The following DYNC2I2 variants were observed in gnomAD, a reference collection of about 807,000 sequenced individuals.
DYNC2I2 encodes the protein cytoplasmic dynein 2 intermediate chain 2.
DYNC2I2 carries 39 observed loss-of-function variants against 52.0 expected under a neutral mutation model. The ratio of observed to expected loss-of-function variants is 0.75; its 90% CI spans 0.58 to 0.98. The LOEUF is 0.98. Among genes scored for constraint, DYNC2I2 ranks in the 50% least tolerant of loss-of-function variants. The pLI is 0.00. For missense variants in DYNC2I2, 743 were observed against 728.4 expected, an observed-to-expected ratio of 1.02 and a Z score of -0.23; for synonymous variants, 359 against 321.1, an observed-to-expected ratio of 1.12 and a Z score of -1.26.
chr9:128,681,382 C>A, the DYNC2I2 span, among the ~76,000 whole-genome samples: 1 of 152,238 alleles, frequency 6.6e-6, no homozygotes, highest in Non-Finnish European at 1.5e-5. Context: ...TGAGCCACCT[C>A]GTCTGGCCCA....
intron 1 of DYNC2I2, among the ~76,000 whole-genome samples, chr9:128,642,566 C>A (rs539997185): frequency 6.6e-6 from 1 of 151,474 alleles, no homozygotes; most frequent in East Asian, 2.0e-4. Flanking sequence ...GTCAGGAGAT[C>A]GAGACCATCC....
In DYNC2I2 at chr9:128,649,688, C is replaced by CAAAAA. The variant is rs34154610; in HGVS notation, c.186+6848_186+6852dup. On this transcript the variant is annotated intron_variant, in intron 1 of 8. Transcript: ENST00000372715. ...TGGGCAAGACAGTGAGACTCCATCT[C>CAAAAA]AAAAAAAAAAAAAAAAAAAAACTGG... Among the ~76,000 whole-genome samples the CAAAAA allele has an allele frequency of 2.8e-4, 13 of 47,228 alleles. 2 individuals are homozygous for CAAAAA. Among genetic ancestry groups the CAAAAA allele is most frequent in the East Asian group, 1.3e-3 (2 of 1,584 alleles). The allele number at this position is 47,228 out of a possible 152,430, so 31.0% of individuals were successfully genotyped here.
At chr9:128,642,644 G>A (rs1860539228) in intron 1 of DYNC2I2, among the ~76,000 whole-genome samples, 1 of 150,630 alleles carries the variant, frequency 6.6e-6, no homozygotes, top group South Asian at 2.1e-4. Flanking sequence ...GGTCCTGGGT[G>A]CCTGTAGTCC....
the DYNC2I2 span, among the ~76,000 whole-genome samples, chr9:128,670,896 C>G: frequency 6.6e-6 from 1 of 151,512 alleles, no homozygotes; most frequent in Non-Finnish European, 1.5e-5. Flanking sequence ...GGTGAAACCC[C>G]GTCTCTACTA....
chr9:128,636,358 T>C lies in DYNC2I2; in HGVS notation c.626A>G (p.Gln209Arg). Residue 209 changes from glutamine (Q) to arginine (R), a missense_variant, in exon 4 of 9, where the codon CAG becomes CGG. By Grantham distance (43) the Gln-to-Arg change is conservative (BLOSUM62 1). Coordinates refer to ENST00000372715, the MANE Select transcript of DYNC2I2 (RefSeq NM_052844.4). Reference protein sequence around the residue: ...NLDRRDLRPQQPSAVVEVPSA... With the variant: ...NLDRRDLRPQRPSAVVEVPSA... ...GGGGACCTCCACCACGGCCGACGGC[T>C]GCTGGGGACGCAGGTCTCGCCGGTC... The C allele has an allele frequency of 6.2e-7, 1 of 1,609,090 alleles. No individual in the cohort carries two copies. The highest frequency in any genetic ancestry group is 1.1e-5 in the South Asian group (1 of 90,190).
rs183108624 is a variant in DYNC2I2 at position 128,639,259 on chromosome 9, G to A, written c.435+1432C>T. 5.5e-4 allele frequency among the ~76,000 whole-genome samples: 83 copies of A among 151,934 alleles called. No individual in the cohort carries two copies. In the Middle Eastern group the frequency reaches 0.017, roughly 31 times the overall value. On this transcript the variant is annotated intron_variant, in intron 2 of 8. Coordinates refer to ENST00000372715, the MANE Select transcript of DYNC2I2 (RefSeq NM_052844.4). ...ACCAAAAATACAAAATTAGCCGGGC[G>A]TGGTGGCGGGTGCCTGTAATCCCAG...
the DYNC2I2 span, among the ~76,000 whole-genome samples, chr9:128,670,847 C>G: frequency 1.3e-5 from 2 of 151,706 alleles, no homozygotes; most frequent in African/African-American, 4.8e-5. Flanking sequence ...GTGGATCACC[C>G]GAGGTCAGGA....
chr9:128,645,004 G>GTC (rs538009827), intron 1 of DYNC2I2, among the ~76,000 whole-genome samples: 246 of 151,828 alleles, frequency 1.6e-3, no homozygotes, highest in Middle Eastern at 3.4e-3. Flanking sequence ...GCTGTTGCCT[G>GTC]TCTCTCTCTC....
chr9:128,648,694 G>A (rs1376397776), intron 1 of DYNC2I2, among the ~76,000 whole-genome samples: 1 of 152,004 alleles, frequency 6.6e-6, no homozygotes, highest in Non-Finnish European at 1.5e-5. Context: ...CTGCTACTAG[G>A]GTGGCTGAGG....
At chr9:128,654,503 C>G (rs545793357) in intron 1 of DYNC2I2, among the ~76,000 whole-genome samples, 11 of 152,176 alleles carry the variant, frequency 7.2e-5, no homozygotes, top group African/African-American at 2.4e-4. Flanking sequence ...TCACTCCTCT[C>G]CAGCCCCACC....
At chr9:128,659,856 C>T (rs1436897961), upstream of DYNC2I2, among the ~76,000 whole-genome samples, 1 of 150,568 alleles carries the variant, frequency 6.6e-6, no homozygotes, top group Non-Finnish European at 1.5e-5. Context: ...GGCAGTGAGG[C>T]AAGATGGCGC....
the DYNC2I2 span, among the ~76,000 whole-genome samples, chr9:128,670,783 G>A: frequency 2.2e-3 from 328 of 151,602 alleles, 1 homozygote; most frequent in Non-Finnish European, 3.7e-3. Flanking sequence ...AGAGAAACGC[G>A]GTGGGGTGTG....
At chr9:128,635,484 G>T in intron 5 of DYNC2I2, 174 bp downstream of exon 5, 1 of 786,340 alleles carries the variant, frequency 1.3e-6, no homozygotes, top group Non-Finnish European at 2.0e-6. Flanking sequence ...GCTGGGAATG[G>T]CCACAGGGCC....
At position 128,636,276 on chromosome 9, in the gene DYNC2I2, C is replaced by T; in HGVS notation, c.703+5G>A. ...GAGAGGAGGCGGACACAGCAGGCAG[C>T]TCACCTGCGACGTGGGAGGGCTGCG... On this transcript the variant is annotated splice_donor_5th_base_variant and intron_variant, in intron 4 of 8. Coordinates refer to ENST00000372715, the MANE Select transcript of DYNC2I2 (RefSeq NM_052844.4). 1 of 1,561,786 alleles carries T rather than the reference C, an allele frequency of 6.4e-7. No individual in the cohort carries two copies. Among genetic ancestry groups the T allele is most frequent in the African/African-American group, 1.4e-5 (1 of 73,856 alleles).
In DYNC2I2 at chr9:128,656,705, C is replaced by A. The variant is rs562066628; in HGVS notation, c.22G>T (p.Gly8Trp). 7.6e-6 allele frequency: 11 copies of A among 1,451,538 alleles called. No individual in the cohort carries two copies. In the South Asian group the frequency reaches 1.2e-4, roughly 15 times the overall value. The allele number at this position is 1,451,538 out of a possible 1,614,324, so 89.9% of individuals were successfully genotyped here. ...GCGCTTCCCGCCTGGCTGAGTGGCC[C>A]CGGCTGCGCGCGGGTTGCCATGGAG... The part of the protein sequence containing the change: MATRAQP[G>W]PLSQAGSAGV... Residue 8 changes from glycine to tryptophan, a missense_variant, in exon 1 of 9, where the codon GGG (glycine) becomes TGG (tryptophan). Gly to Trp is a radical substitution (Grantham distance 184). Transcript: ENST00000372715.
At chr9:128,660,201 C>T (rs1349001397), upstream of DYNC2I2, among the ~76,000 whole-genome samples, 2 of 151,912 alleles carry the variant, frequency 1.3e-5, no homozygotes, top group Admixed American at 6.6e-5. Context: ...CTCCGCCTCC[C>T]GGGTTCACGC....
chr9:128,684,113 C>G, the DYNC2I2 span: 220 of 884,638 alleles, frequency 2.5e-4, 3 homozygotes, highest in Admixed American at 4.8e-3. Flanking sequence ...CTAAGCACCC[C>G]CAAAGGGTTT....
At chr9:128,677,753 A>G in the DYNC2I2 span, among the ~76,000 whole-genome samples, 1 of 152,078 alleles carries the variant, frequency 6.6e-6, no homozygotes, top group African/African-American at 2.4e-5. Flanking sequence ...GGTTGCAGTG[A>G]GCCAAGATCG....
intron 1 of DYNC2I2, among the ~76,000 whole-genome samples, chr9:128,644,597 A>T (rs927586139): frequency 6.6e-6 from 1 of 152,040 alleles, no homozygotes; most frequent in Admixed American, 6.6e-5. Context: ...TTGCCACTAG[A>T]TTGTCTGACC....
Sources: allele counts gnomAD v4.1 joint callset (sites outside exome capture counted in the v4.1 genomes callset), GRCh38; gene constraint gnomAD v4.1.1; transcripts MANE v1.5; gene names NCBI Gene and HGNC (gene_info 2026-07-23, HGNC 2026-07-21).